ITGB2: variants seen among roughly 807,000 people sequenced by gnomAD.
ITGB2 encodes the protein integrin subunit beta 2, also known as integrin beta-2.
A neutral mutation model predicts 86.8 loss-of-function variants in ITGB2; 56 were observed. That is an observed-to-expected ratio of 0.65 (90% CI 0.52 to 0.81). The LOEUF (loss-of-function observed/expected upper bound fraction) is 0.81, where lower values mean the gene tolerates loss of function less well. Ranked by LOEUF, ITGB2 falls within the 30% of genes least tolerant of loss-of-function variation. The probability of loss-of-function intolerance (pLI) is 0.00; values close to 1 mark genes in which losing one functional copy is unlikely to be tolerated. For missense variants in ITGB2, 948 were observed against 1,061.2 expected (o/e 0.89, Z 1.48); for synonymous variants, 457 against 450.4 (o/e 1.01, Z -0.19).
chr21:44,904,679 C>T (rs979056165), intron 4 of ITGB2, among the ~76,000 whole-genome samples: 39 of 151,894 alleles, frequency 2.6e-4, no homozygotes, highest in African/African-American at 7.0e-4. Context: ...CATGCACTCA[C>T]GCACATACAC....
At chr21:44,925,200 G>T (rs1347670757), upstream of ITGB2, among the ~76,000 whole-genome samples, 1 of 152,060 alleles carries the variant, frequency 6.6e-6, no homozygotes, top group African/African-American at 2.4e-5. Flanking sequence ...GATCTTTCAG[G>T]GGGTGGAAAT....
chr21:44,889,564 T>C (rs2083754861), intron 12 of ITGB2, 69 bp from the exon 13 acceptor site: 1 of 1,388,590 alleles, frequency 7.2e-7, no homozygotes, highest in African/African-American at 1.4e-5. Flanking sequence ...GAAACCCCAC[T>C]GCGGTTGCTC....
chr21:44,903,606 C>A, intron 4 of ITGB2, 71 bp from the exon 5 acceptor site: 1 of 1,584,206 alleles, frequency 6.3e-7, no homozygotes, highest in East Asian at 2.3e-5. Flanking sequence ...GCGTGTGGCC[C>A]CGAGCGGGCT....
upstream of ITGB2, chr21:44,922,893 A>C (rs546376090): frequency 6.6e-6 from 1 of 152,216 alleles, no homozygotes; most frequent in Non-Finnish European, 1.5e-5. Context: ...TTCTCTGTCA[A>C]GGGTATCTTC....
At position 44,888,945 on chromosome 21, in the gene ITGB2, G is replaced by A. The variant is rs758107469; in HGVS notation, c.1878-50C>T. On this transcript the variant is annotated intron_variant, in intron 13 of 15. Transcript: ENST00000652462. ...CGGTGCCAGGGTGTGCGGGGGCTCCGGCAACGGGGGCTCGGGCTTGGGTGT... is the reference window on the plus strand; with the variant it reads ...CGGTGCCAGGGTGTGCGGGGGCTCCAGCAACGGGGGCTCGGGCTTGGGTGT... 21 of 1,561,160 alleles carry A rather than the reference G, an allele frequency of 1.3e-5. No homozygotes were observed. In the East Asian group the frequency reaches 2.5e-4, roughly 19 times the overall value.
intron 14 of ITGB2, 139 bp from the exon 15 acceptor site, chr21:44,887,041 A>C (rs2083710980): frequency 3.9e-6 from 4 of 1,017,198 alleles, no homozygotes; most frequent in East Asian, 2.6e-5. Context: ...ATCCATCACC[A>C]TGGCCAGGGG....
chr21:44,906,507 G>A (rs62221526), intron 4 of ITGB2, among the ~76,000 whole-genome samples: 24,156 of 152,140 alleles, frequency 0.16, 2,042 homozygotes, highest in Admixed American at 0.23. Flanking sequence ...AAGTCAGTTT[G>A]GGCAACACTG....
chr21:44,925,893 A>G (rs1007219899), upstream of ITGB2, among the ~76,000 whole-genome samples: 8 of 152,326 alleles, frequency 5.3e-5, no homozygotes, highest in South Asian at 2.1e-4. Flanking sequence ...CCTGGCTAAC[A>G]TGGTGAAACC....
chr21:44,923,845 CTG>C, upstream of ITGB2, among the ~76,000 whole-genome samples: 3 of 152,240 alleles, frequency 2.0e-5, no homozygotes, highest in Admixed American at 2.0e-4. Flanking sequence ...ATCAGATAAA[CTG>C]TTAAAAGAGA....
upstream of ITGB2, among the ~76,000 whole-genome samples, chr21:44,923,140 T>C (rs2084330361): frequency 1.3e-5 from 2 of 152,152 alleles, no homozygotes; most frequent in Admixed American, 1.3e-4. Flanking sequence ...TTTTTAGATC[T>C]ACAAAGAAGC....
At chr21:44,895,164 G>T in intron 8 of ITGB2, 104 bp from the exon 9 acceptor site, 1 of 852,284 alleles carries the variant, frequency 1.2e-6, no homozygotes, top group Non-Finnish European at 2.0e-6. Flanking sequence ...AAATGGCTGG[G>T]ACGGTCCTCA....
chr21:44,910,952 A>C, intron 1 of ITGB2, 167 bp from the exon 2 acceptor site: 1 of 660,966 alleles, frequency 1.5e-6, no homozygotes, highest in Non-Finnish European at 2.6e-6. Context: ...CCAGCTGCCA[A>C]CAGCCAGGGA....
At position 44,886,313 on chromosome 21, in the gene ITGB2, C is replaced by T. The variant is rs1411660078; in HGVS notation, c.*55G>A. The T allele has an allele frequency of 1.6e-5, 23 of 1,470,084 alleles. No individual in the cohort carries two copies. In the Admixed American group the frequency reaches 2.3e-4, roughly 15 times the overall value. 91.1% of individuals were successfully genotyped at this position (1,470,084 alleles called of 1,614,324 possible). A position where few individuals can be genotyped will look rare whatever the true frequency, so the allele number is the denominator to read the frequency against. On this transcript the variant is annotated 3_prime_UTR_variant, in exon 16 of 16. Transcript: ENST00000652462. Reference sequence around the variant, plus strand: ...GAGCTGTGGCAAGCCATGTCTCGGCCGCGTGATGGGGCAGACATGGTGGGT... The same window carrying T: ...GAGCTGTGGCAAGCCATGTCTCGGCTGCGTGATGGGGCAGACATGGTGGGT...
intron 14 of ITGB2, among the ~76,000 whole-genome samples, chr21:44,887,302 T>C (rs541064464): frequency 1.3e-5 from 2 of 152,192 alleles, no homozygotes; most frequent in Non-Finnish European, 2.9e-5. Flanking sequence ...TGAAAGTGAT[T>C]TGTGGTCGTC....
intron 1 of ITGB2, chr21:44,927,593 C>T (rs2084390287): frequency 6.6e-6 from 1 of 151,628 alleles, no homozygotes; most frequent in Non-Finnish European, 1.5e-5. Flanking sequence ...CCACGTAGGC[C>T]TTTTTTTTTC....
Position 44,893,225 on chromosome 21 carries a change from C to T in ITGB2, c.1224+179G>A, listed in dbSNP as rs35280729. 0.058 allele frequency: 38,221 copies of T among 663,642 alleles called. 1,238 individuals carry two copies. The highest frequency in any genetic ancestry group is 0.072 in the Middle Eastern group (165 of 2,298). 41.1% of individuals were successfully genotyped at this position (663,642 alleles called of 1,614,324 possible). The stretch of plus-strand genomic sequence containing the variant: ...CCAGTGGATGCTGCCTGCTCCCAGA[C>T]AGCCTCTGATGCCTGTGTGCCCCTC... On this transcript the variant is annotated intron_variant, in intron 10 of 15. Transcript: ENST00000652462.
intron 2 of ITGB2, 31 bp downstream of exon 2, chr21:44,910,694 T>C: frequency 1.2e-5 from 19 of 1,609,922 alleles, no homozygotes; most frequent in Non-Finnish European, 1.6e-5. Context: ...ATGTCACGCG[T>C]GGAGTCCCCT....
chr21:44,902,198 TTATG>T (rs1454574649), intron 5 of ITGB2, among the ~76,000 whole-genome samples: 3 of 152,244 alleles, frequency 2.0e-5, no homozygotes, highest in African/African-American at 4.8e-5. Flanking sequence ...GCATGTGTGT[TTATG>T]TACGATTTAT....
In ITGB2 at chr21:44,889,839, G is replaced by T. The variant is rs980003925; in HGVS notation, c.1657+139C>A. On this transcript the variant is annotated intron_variant, in intron 12 of 15. Coordinates refer to ENST00000652462, the MANE Select transcript of ITGB2 (RefSeq NM_000211.5). ...CCATCCAAGTTCCTGCTGACGCCCGGTGGCTGGGCGAGACTTGCACTGTCT... is the reference window on the plus strand; with the variant it reads ...CCATCCAAGTTCCTGCTGACGCCCGTTGGCTGGGCGAGACTTGCACTGTCT... 3.1e-6 allele frequency: 4 copies of T among 1,293,876 alleles called. No homozygotes were observed. The South Asian group carries it at 5.1e-5, about 17-fold the overall frequency. 80.1% of individuals were successfully genotyped at this position (1,293,876 alleles called of 1,614,324 possible).
Sources: allele counts gnomAD v4.1 joint callset (sites outside exome capture counted in the v4.1 genomes callset), GRCh38; gene constraint gnomAD v4.1.1; transcripts MANE v1.5; gene names NCBI Gene and HGNC (gene_info 2026-07-23, HGNC 2026-07-21).